CALN1: variants seen among roughly 807,000 people sequenced by gnomAD.
The protein encoded by CALN1 is calcium-binding protein 8.
In CALN1, 17 loss-of-function variants were observed where a neutral mutation model predicts 30.6. The ratio of observed to expected loss-of-function variants is 0.56; its 90% confidence interval spans 0.38 to 0.83. CALN1 has a LOEUF of 0.83. CALN1 is among the 40% of genes least tolerant of loss of function. CALN1 has a pLI of 0.00. For missense variants in CALN1, 291 were observed against 354.9 expected, an observed-to-expected ratio of 0.82 and a Z score of 1.45; for synonymous variants, 156 against 131.4, an observed-to-expected ratio of 1.19 and a Z score of -1.28.
the CALN1 span, among the ~76,000 whole-genome samples, chr7:72,462,516 C>T: frequency 3.3e-5 from 5 of 152,142 alleles, no homozygotes; most frequent in Admixed American, 6.5e-5. Flanking sequence ...GGCTGGTGTG[C>T]GGTGCCTGCT....
chr7:72,058,310 C>CTTTTT lies in CALN1; in HGVS notation c.389-34546_389-34542dup, dbSNP rs3065011. ...GCTACAAGCTGCAACAAGCTGGAAT[C>CTTTTT]TTTTTTTTTTTTTTTTTTTTTTTTT... On this transcript the variant is annotated intron_variant, in intron 4 of 6. Coordinates refer to ENST00000395275, the MANE Select transcript of CALN1 (RefSeq NM_031468.4). Among the ~76,000 whole-genome samples the CTTTTT allele has an allele frequency of 3.1e-3, 217 of 70,780 alleles. 15 individuals are homozygous for CTTTTT. Among genetic ancestry groups the CTTTTT allele is most frequent in the African/African-American group, 0.011 (188 of 17,368 alleles). The allele number at this position is 70,780 out of a possible 152,430, so 46.4% of individuals were successfully genotyped here.
intron 4 of CALN1, among the ~76,000 whole-genome samples, chr7:72,026,858 T>C (rs1316973339): frequency 6.6e-6 from 1 of 152,206 alleles, no homozygotes; most frequent in Non-Finnish European, 1.5e-5. Flanking sequence ...TGGCCCAGTC[T>C]ACCTAGAATT....
At chr7:72,367,423 A>G (rs1045332995) in intron 2 of CALN1, among the ~76,000 whole-genome samples, 4 of 152,158 alleles carry the variant, frequency 2.6e-5, no homozygotes, top group African/African-American at 9.7e-5. Context: ...CAGGAATTTG[A>G]GACCAGCCTG....
the CALN1 span, among the ~76,000 whole-genome samples, chr7:72,500,269 C>CT: frequency 0.021 from 1,089 of 51,278 alleles, 217 homozygotes; most frequent in African/African-American, 0.046. Flanking sequence ...TTCGTTCCTT[C>CT]TTTTTTTTTT....
At chr7:72,010,791 A>G (rs545469533) in intron 5 of CALN1, among the ~76,000 whole-genome samples, 1 of 149,662 alleles carries the variant, frequency 6.7e-6, no homozygotes, top group South Asian at 2.1e-4. Flanking sequence ...CCAGCCACAG[A>G]GGAGACCCTG....
At chr7:72,239,142 A>T (rs376094147) in intron 3 of CALN1, among the ~76,000 whole-genome samples, 39 of 152,310 alleles carry the variant, frequency 2.6e-4, no homozygotes, top group African/African-American at 9.1e-4. Flanking sequence ...CATGCCTGTA[A>T]TCCCAACAAT....
the CALN1 span, among the ~76,000 whole-genome samples, chr7:72,484,598 T>C: frequency 2.0e-5 from 3 of 151,584 alleles, no homozygotes; most frequent in Admixed American, 2.0e-4. Flanking sequence ...TAGTTGAGGG[T>C]CGCCCTCTGG....
At chr7:72,067,046 C>A (rs974925102) in intron 4 of CALN1, among the ~76,000 whole-genome samples, 9 of 151,888 alleles carry the variant, frequency 5.9e-5, no homozygotes, top group African/African-American at 2.2e-4. Context: ...ACCTCGGCCT[C>A]CCAAAGTGCT....
At chr7:71,844,631 T>C (rs1165049734) in intron 5 of CALN1, among the ~76,000 whole-genome samples, 4 of 152,140 alleles carry the variant, frequency 2.6e-5, no homozygotes, top group African/African-American at 9.7e-5. Flanking sequence ...GAATTAATAT[T>C]AAATGGGTTG....
intron 2 of CALN1, among the ~76,000 whole-genome samples, chr7:72,301,155 A>G (rs970229647): frequency 3.9e-5 from 6 of 152,164 alleles, no homozygotes; most frequent in Non-Finnish European, 7.3e-5. Flanking sequence ...AACTGGAAAG[A>G]AAGTGGAGGA....
At chr7:72,323,671 A>T (rs571694153) in intron 2 of CALN1, among the ~76,000 whole-genome samples, 30 of 148,638 alleles carry the variant, frequency 2.0e-4, no homozygotes, top group Admixed American at 6.7e-4. Context: ...CAAAAAAAAA[A>T]AAATAAAAAA....
intron 3 of CALN1, among the ~76,000 whole-genome samples, chr7:72,141,360 G>A (rs1342016009): frequency 3.3e-5 from 5 of 152,082 alleles, no homozygotes; most frequent in African/African-American, 1.2e-4. Flanking sequence ...AGCACTTTGG[G>A]AGGCTGAAGC....
chr7:71,952,019 G>A (rs889022218), intron 5 of CALN1, among the ~76,000 whole-genome samples: 2 of 152,076 alleles, frequency 1.3e-5, no homozygotes, highest in Admixed American at 6.5e-5. Context: ...TGCTGATGGT[G>A]GAGGGAGAAC....
At chr7:72,224,503 G>A (rs773703024) in intron 3 of CALN1, among the ~76,000 whole-genome samples, 3 of 152,194 alleles carry the variant, frequency 2.0e-5, no homozygotes, top group Non-Finnish European at 2.9e-5. Context: ...GCAGGATATG[G>A]CCAGACATGG....
At chr7:72,047,514 A>C (rs1298221133) in intron 4 of CALN1, among the ~76,000 whole-genome samples, 1 of 152,174 alleles carries the variant, frequency 6.6e-6, no homozygotes, top group Non-Finnish European at 1.5e-5. Flanking sequence ...GCTTGAGCCC[A>C]GGACTTAGAG....
chr7:72,015,075 A>C (rs577729550), intron 5 of CALN1, among the ~76,000 whole-genome samples: 1 of 152,346 alleles, frequency 6.6e-6, no homozygotes, highest in Admixed American at 6.5e-5. Context: ...TTAGCTACAT[A>C]TTGATAGGTA....
chr7:71,979,869 CTTT>C (rs555621436), intron 5 of CALN1, among the ~76,000 whole-genome samples: 89 of 89,660 alleles, frequency 9.9e-4, no homozygotes, highest in African/African-American at 3.1e-3. Flanking sequence ...CATCAGGATT[CTTT>C]TTTTTTTTTT....
At chr7:72,142,294 G>A (rs1487729520) in intron 3 of CALN1, among the ~76,000 whole-genome samples, 6 of 152,166 alleles carry the variant, frequency 3.9e-5, no homozygotes, top group Non-Finnish European at 5.9e-5. Context: ...CTTTTCTGAC[G>A]GTCTTAGCAA....
intron 5 of CALN1, among the ~76,000 whole-genome samples, chr7:71,967,955 C>T (rs1305376370): frequency 3.9e-5 from 6 of 152,156 alleles, no homozygotes; most frequent in Non-Finnish European, 7.3e-5. Context: ...ATGGTATCAC[C>T]ACTTTGGAAA....
Sources: allele counts gnomAD v4.1 joint callset (sites outside exome capture counted in the v4.1 genomes callset), GRCh38; gene constraint gnomAD v4.1.1; transcripts MANE v1.5; gene names NCBI Gene and HGNC (gene_info 2026-07-23, HGNC 2026-07-21).